The following RHOT1 variants were observed in gnomAD, a reference collection of about 807,000 sequenced individuals.
RHOT1 encodes ras homolog family member T1, also known as mitochondrial Rho GTPase 1.
RHOT1 carries 27 observed loss-of-function variants against 95.3 expected under a neutral mutation model. That is an observed-to-expected ratio of 0.28 (90% CI 0.21 to 0.39). RHOT1 has a LOEUF of 0.39. RHOT1 is among the 10% of genes least tolerant of loss of function. The pLI is 1.00. For missense variants in RHOT1, 578 were observed against 786.7 expected, an observed-to-expected ratio of 0.73 and a Z score of 3.17; for synonymous variants, 227 against 263.5, an observed-to-expected ratio of 0.86 and a Z score of 1.34.
intron 8 of RHOT1, among the ~76,000 whole-genome samples, chr17:32,185,075 A>C (rs1053578668): frequency 6.6e-6 from 1 of 151,812 alleles, no homozygotes. Context: ...ACATACCACC[A>C]TGCCTGGCTA....
chr17:32,157,807 G>A (rs969200035), intron 1 of RHOT1, among the ~76,000 whole-genome samples: 5 of 150,972 alleles, frequency 3.3e-5, no homozygotes, highest in Admixed American at 1.3e-4. Flanking sequence ...ACTGTCCCCC[G>A]CTCCCACCCC....
chr17:32,177,410 T>A (rs928802731), intron 6 of RHOT1, among the ~76,000 whole-genome samples: 2 of 152,152 alleles, frequency 1.3e-5, no homozygotes, highest in African/African-American at 4.8e-5. Context: ...ATGTTCCTAA[T>A]ATCTGCTTTT....
At chr17:32,203,081 G>C (rs1362474858) in intron 15 of RHOT1, among the ~76,000 whole-genome samples, 181 bp downstream of exon 15, 1 of 151,904 alleles carries the variant, frequency 6.6e-6, no homozygotes, top group African/African-American at 2.4e-5. Context: ...ATTGATATTA[G>C]CTATCATTTG....
In RHOT1 at chr17:32,151,125, A is replaced by G. The variant is rs2032236689; in HGVS notation, c.37+8396A>G. On this transcript the variant is annotated intron_variant, in intron 1 of 19. Coordinates refer to ENST00000545287, the MANE Select transcript of RHOT1 (RefSeq NM_001033566.3). Reference sequence around the variant, plus strand: ...CATCTCACATCCTCTCCAATTTACCATGACACTGGGTTCTTTACTGTTGAC... The same window carrying G: ...CATCTCACATCCTCTCCAATTTACCGTGACACTGGGTTCTTTACTGTTGAC... 53 of 855,786 alleles carry G rather than the reference A, an allele frequency of 6.2e-5. No homozygotes were observed. The South Asian group carries it at 6.2e-4, about 10-fold the overall frequency. 53.0% of individuals were successfully genotyped at this position (855,786 alleles called of 1,614,324 possible).
intron 3 of RHOT1, among the ~76,000 whole-genome samples, chr17:32,174,513 ATAAT>A (rs1168053001): frequency 1.3e-5 from 2 of 152,224 alleles, no homozygotes; most frequent in Admixed American, 1.3e-4. Flanking sequence ...GTGTAGCCAT[ATAAT>A]TAGATTCACC....
rs1334119039 is a variant in RHOT1, at chr17:32,149,495, T to G, written c.37+6766T>G. 8.1e-5 allele frequency among the ~76,000 whole-genome samples: 7 copies of G among 85,944 alleles called. No homozygotes were observed. The East Asian group carries it at 2.1e-3, about 26-fold the overall frequency. 56.4% of individuals were successfully genotyped at this position (85,944 alleles called of 152,430 possible). On this transcript the variant is annotated intron_variant, in intron 1 of 19. Transcript: ENST00000545287. ...TTAGAATTTAATATTCTAAAATGTT[T>G]CATTATCTTTAGCATAGTCTGGGTG... is the stretch of plus-strand genomic sequence containing the variant.
At chr17:32,182,506 A>C (rs2035722071) in intron 6 of RHOT1, among the ~76,000 whole-genome samples, 1 of 152,166 alleles carries the variant, frequency 6.6e-6, no homozygotes. Flanking sequence ...AAAACAAAAC[A>C]GAATGGGTAG....
intron 12 of RHOT1, 30 bp downstream of exon 12, chr17:32,199,061 A>G (rs1598422309): frequency 2.7e-6 from 4 of 1,459,466 alleles, no homozygotes; most frequent in Middle Eastern, 1.8e-4. Flanking sequence ...TTTCCATTAT[A>G]TATAGTAAAA....
At chr17:32,215,993 ATTACG>A (rs1243741209) in intron 19 of RHOT1, among the ~76,000 whole-genome samples, 11 of 152,190 alleles carry the variant, frequency 7.2e-5, no homozygotes, top group African/African-American at 2.7e-4. Flanking sequence ...AGTGGTATAA[ATTACG>A]TTACTGGAGA....
chr17:32,143,223 G>A (rs1269692823), intron 1 of RHOT1: 4 of 403,290 alleles, frequency 9.9e-6, no homozygotes, highest in Non-Finnish European at 2.0e-5. Context: ...GGGGAGGGGT[G>A]CAGAACTATT....
At chr17:32,149,466 G>T (rs1448617274) in intron 1 of RHOT1, among the ~76,000 whole-genome samples, 3 of 97,398 alleles carry the variant, frequency 3.1e-5, no homozygotes, top group Admixed American at 9.4e-5. Flanking sequence ...TATTTAAATA[G>T]TTTTTAGAAT....
chr17:32,182,640 C>T (rs2035732989), intron 6 of RHOT1, 117 bp from the exon 7 acceptor site: 1 of 646,164 alleles, frequency 1.5e-6, no homozygotes, highest in African/African-American at 1.9e-5. Flanking sequence ...GAGAAAGGTT[C>T]ATGTTGTTGA....
chr17:32,196,740 T>C (rs1831664191), intron 11 of RHOT1, among the ~76,000 whole-genome samples: 1 of 152,180 alleles, frequency 6.6e-6, no homozygotes, highest in Non-Finnish European at 1.5e-5. Context: ...GTTGAGGTTT[T>C]CCCAGTCCCC....
intron 8 of RHOT1, among the ~76,000 whole-genome samples, chr17:32,188,747 C>G (rs551511171): frequency 6.6e-6 from 1 of 152,322 alleles, no homozygotes; most frequent in South Asian, 2.1e-4. Flanking sequence ...TTCTTTCTTA[C>G]TATGTAAGTA....
In RHOT1 at chr17:32,183,623, A is replaced by G. The variant is rs567730262; in HGVS notation, c.540+351A>G. 3.2e-4 allele frequency among the ~76,000 whole-genome samples: 48 copies of G among 152,342 alleles called. 1 individual carries two copies. In the Middle Eastern group the frequency reaches 0.017, roughly 54 times the overall value. On this transcript the variant is annotated intron_variant, in intron 8 of 19. Coordinates refer to ENST00000545287, the MANE Select transcript of RHOT1 (RefSeq NM_001033566.3). ...CTGAAAAACACACACAAATAAAAACATTATGTAGTTTTTTGACATAGGCAC... is the reference window on the plus strand; with the variant it reads ...CTGAAAAACACACACAAATAAAAACGTTATGTAGTTTTTTGACATAGGCAC...
chr17:32,211,825 A>G (rs150918715), intron 19 of RHOT1, among the ~76,000 whole-genome samples: 1 of 152,318 alleles, frequency 6.6e-6, no homozygotes, highest in Non-Finnish European at 1.5e-5. Context: ...AGAGAAAAAG[A>G]TCTGTAGTAC....
intron 1 of RHOT1, among the ~76,000 whole-genome samples, chr17:32,144,093 G>C (rs914527049): frequency 4.6e-5 from 7 of 152,146 alleles, no homozygotes; most frequent in Non-Finnish European, 1.0e-4. Context: ...GGTTCAGGAA[G>C]GTGTTATTTA....
At chr17:32,148,428 A>G (rs1258861355) in intron 1 of RHOT1, among the ~76,000 whole-genome samples, 1 of 152,266 alleles carries the variant, frequency 6.6e-6, no homozygotes, top group South Asian at 2.1e-4. Flanking sequence ...AGTCCTTTCT[A>G]TAACATCCTC....
At chr17:32,149,243 ATTAT>A (rs1351366009) in intron 1 of RHOT1, among the ~76,000 whole-genome samples, 1 of 151,626 alleles carries the variant, frequency 6.6e-6, no homozygotes, top group Non-Finnish European at 1.5e-5. Flanking sequence ...TTTATTTGTA[ATTAT>A]TTGTTATAAG....
Sources: gnomAD v4.1 joint callset for allele counts (sites outside exome capture counted in the v4.1 genomes callset) on GRCh38, gnomAD v4.1.1 for gene constraint, MANE v1.5 for transcripts, NCBI Gene and HGNC (gene_info 2026-07-23, HGNC 2026-07-21) for gene names.